The following NRG1 variants were observed in gnomAD, a reference collection of about 807,000 sequenced individuals.
The protein encoded by NRG1 is neuregulin 1.
NRG1 carries 18 observed loss-of-function variants against 63.8 expected under a neutral mutation model. The ratio of observed to expected loss-of-function variants is 0.28; its 90% CI spans 0.19 to 0.42. The LOEUF is 0.42. Among genes scored for constraint, NRG1 ranks in the 10% least tolerant of loss-of-function variants. NRG1 has a pLI of 1.00. For missense variants in NRG1, 762 were observed against 814.7 expected (o/e 0.94, Z 0.79); for synonymous variants, 302 against 301.3 (o/e 1.00, Z -0.02).
At chr8:31,969,138 T>C (rs1342081153) in intron 1 of NRG1, among the ~76,000 whole-genome samples, 1 of 152,224 alleles carries the variant, frequency 6.6e-6, no homozygotes, top group South Asian at 2.1e-4. Flanking sequence ...ATCTGTTTAC[T>C]CCATGTGACA....
At chr8:31,784,583 A>G (rs1248189414) in intron 1 of NRG1, among the ~76,000 whole-genome samples, 3 of 152,172 alleles carry the variant, frequency 2.0e-5, no homozygotes, top group African/African-American at 7.2e-5. Context: ...GAATCAGAAA[A>G]CAATAACGTA....
intron 1 of NRG1, among the ~76,000 whole-genome samples, chr8:32,417,932 C>A (rs534527864): frequency 1.8e-4 from 27 of 152,134 alleles, no homozygotes; most frequent in African/African-American, 6.5e-4. Flanking sequence ...ATTTTTTATG[C>A]ACCTTTTCCA....
intron 1 of NRG1, among the ~76,000 whole-genome samples, chr8:32,205,056 C>G (rs1427289524): frequency 6.6e-6 from 1 of 151,978 alleles, no homozygotes; most frequent in East Asian, 1.9e-4. Flanking sequence ...TTTTATAGAA[C>G]AAATAATCAT....
At chr8:31,664,084 G>A (rs1455066989) in intron 1 of NRG1, among the ~76,000 whole-genome samples, 1 of 152,018 alleles carries the variant, frequency 6.6e-6, no homozygotes, top group African/African-American at 2.4e-5. Flanking sequence ...GTTTTTCTAT[G>A]TTGTGTTCAT....
chr8:31,682,387 G>T (rs181611375), intron 1 of NRG1, among the ~76,000 whole-genome samples: 8 of 152,074 alleles, frequency 5.3e-5, no homozygotes, highest in African/African-American at 1.7e-4. Context: ...TTATTAATTG[G>T]GGGGAGAGAC....
chr8:32,223,887 A>G (rs1846068481), intron 1 of NRG1, among the ~76,000 whole-genome samples: 1 of 152,192 alleles, frequency 6.6e-6, no homozygotes, highest in Non-Finnish European at 1.5e-5. Context: ...AGATGCACAA[A>G]GAGGGAGAAG....
intron 1 of NRG1, among the ~76,000 whole-genome samples, chr8:32,549,951 GA>G (rs1428309558): frequency 2.0e-5 from 3 of 152,172 alleles, no homozygotes; most frequent in African/African-American, 7.2e-5. Context: ...CACTTCTGCA[GA>G]ATTAATTCAC....
chr8:32,277,459 A>T (rs1330251138), intron 1 of NRG1, among the ~76,000 whole-genome samples: 1 of 152,218 alleles, frequency 6.6e-6, no homozygotes, highest in Non-Finnish European at 1.5e-5. Flanking sequence ...TAAGTTATTT[A>T]CCTAAACAAA....
At chr8:32,766,489 G>A (rs1443332586) in exon 12 of NRG1, 1 of 152,100 alleles carries the variant, frequency 6.6e-6, no homozygotes, top group Non-Finnish European at 1.5e-5. Flanking sequence ...TGCCTTTGAA[G>A]GCCTTGACTC....
In NRG1 at chr8:32,395,008, G is replaced by C. The variant is rs61568556; in HGVS notation, c.38-200820G>C. ...ATAAGGAATGGGCTCTACAATTACT[G>C]TCACTCTCAGCAAAAGAGAACGCAA... On this transcript the variant is annotated intron_variant, in intron 1 of 10. Coordinates refer to the NRG1 transcript ENST00000519301. Among the ~76,000 whole-genome samples, 964 of 152,230 alleles carry C rather than the reference G, an allele frequency of 6.3e-3. 13 individuals carry two copies. Among genetic ancestry groups the C allele is most frequent in the African/African-American group, 0.022 (925 of 41,540 alleles).
At chr8:32,507,962 T>C (rs1465064490) in intron 1 of NRG1, among the ~76,000 whole-genome samples, 1 of 152,168 alleles carries the variant, frequency 6.6e-6, no homozygotes, top group Non-Finnish European at 1.5e-5. Context: ...TCTCCCAAAG[T>C]GTTGGGATTA....
intron 6 of NRG1, among the ~76,000 whole-genome samples, chr8:32,734,409 T>C (rs1460178180): frequency 2.6e-5 from 4 of 152,224 alleles, no homozygotes; most frequent in Non-Finnish European, 5.9e-5. Flanking sequence ...TTCCAGTCTA[T>C]AAGAACACAC....
chr8:31,681,260 AC>A (rs2131062876), intron 1 of NRG1, among the ~76,000 whole-genome samples: 1 of 152,306 alleles, frequency 6.6e-6, no homozygotes, highest in Non-Finnish European at 1.5e-5. Flanking sequence ...AAAACAAGAT[AC>A]AAAAAGCATG....
At chr8:32,389,405 G>A (rs971101348) in intron 1 of NRG1, among the ~76,000 whole-genome samples, 8 of 152,160 alleles carry the variant, frequency 5.3e-5, no homozygotes, top group African/African-American at 1.7e-4. Context: ...AGAATTTATA[G>A]CATATTAAGA....
intron 1 of NRG1, among the ~76,000 whole-genome samples, chr8:32,171,836 CAA>C (rs1840088814): frequency 6.6e-6 from 1 of 152,176 alleles, no homozygotes; most frequent in Non-Finnish European, 1.5e-5. Context: ...AGTAGGTAAA[CAA>C]AGCGGCCAGG....
At chr8:31,902,773 G>A (rs551845170) in intron 1 of NRG1, among the ~76,000 whole-genome samples, 4 of 152,138 alleles carry the variant, frequency 2.6e-5, no homozygotes, top group Non-Finnish European at 5.9e-5. Flanking sequence ...TTATGTTGTG[G>A]CAGATTACAT....
intron 2 of NRG1, among the ~76,000 whole-genome samples, chr8:32,602,256 T>A (rs1000947366): frequency 3.9e-5 from 6 of 152,278 alleles, no homozygotes; most frequent in African/African-American, 1.2e-4. Context: ...CCATTTTTTT[T>A]AAATCTCTCT....
At chr8:31,924,449 C>T (rs1304089175) in intron 1 of NRG1, among the ~76,000 whole-genome samples, 1 of 152,012 alleles carries the variant, frequency 6.6e-6, no homozygotes, top group Admixed American at 6.6e-5. Context: ...GGATCTCTAT[C>T]AATATCCCTT....
At chr8:32,543,047 A>G (rs774835403) in intron 1 of NRG1, among the ~76,000 whole-genome samples, 12 of 152,198 alleles carry the variant, frequency 7.9e-5, no homozygotes, top group Non-Finnish European at 1.8e-4. Context: ...TTTTATCTTC[A>G]TTCTGTTCTA....
Sources: allele counts gnomAD v4.1 joint callset (sites outside exome capture counted in the v4.1 genomes callset), GRCh38; gene constraint gnomAD v4.1.1; transcripts MANE v1.5; gene names NCBI Gene and HGNC (gene_info 2026-07-23, HGNC 2026-07-21).